Variants in PIK3C2G observed in about 807,000 individuals in gnomAD.
PIK3C2G encodes the protein phosphatidylinositol 3-kinase C2 domain-containing subunit gamma.
PIK3C2G carries 168 observed loss-of-function variants against 181.1 expected under a neutral mutation model. The observed-to-expected ratio is 0.93, with a 90% CI of 0.82 to 1.05. PIK3C2G has a LOEUF of 1.05. Among genes scored for constraint, PIK3C2G ranks in the 50% least tolerant of loss-of-function variants. The pLI is 0.00. For synonymous variants in PIK3C2G, 573 were observed against 592.2 expected (o/e 0.97, Z 0.47); for missense variants, 1,869 against 1,732.8 (o/e 1.08, Z -1.40).
At chr12:18,497,177 C>T (rs529005208) in intron 21 of PIK3C2G, among the ~76,000 whole-genome samples, 57 of 152,212 alleles carry the variant, frequency 3.7e-4, no homozygotes, top group Non-Finnish European at 6.9e-4. Flanking sequence ...TTTATACTCC[C>T]AGTCAAGAAG....
At chr12:18,429,635 GTC>G (rs1404222393) in intron 18 of PIK3C2G, among the ~76,000 whole-genome samples, 1 of 152,090 alleles carries the variant, frequency 6.6e-6, no homozygotes, top group African/African-American at 2.4e-5. Flanking sequence ...CAGCAATCAT[GTC>G]ACACTCTTCC....
chr12:18,516,095 CAT>C, intron 24 of PIK3C2G, among the ~76,000 whole-genome samples: 1 of 152,140 alleles, frequency 6.6e-6, no homozygotes, highest in East Asian at 1.9e-4. Context: ...TTTCTTATTA[CAT>C]GTTAGCATTC....
intron 1 of PIK3C2G, among the ~76,000 whole-genome samples, chr12:18,263,393 T>A (rs1012362032): frequency 6.6e-6 from 1 of 152,120 alleles, no homozygotes; most frequent in Non-Finnish European, 1.5e-5. Flanking sequence ...TATAAAGGTA[T>A]AAATTCCAAT....
At chr12:18,479,620 C>T (rs1013291260) in intron 18 of PIK3C2G, among the ~76,000 whole-genome samples, 2 of 152,080 alleles carry the variant, frequency 1.3e-5, no homozygotes, top group African/African-American at 2.4e-5. Context: ...TATAGAGCCC[C>T]GGAACTGGAA....
the PIK3C2G span, among the ~76,000 whole-genome samples, chr12:18,678,378 A>T: frequency 1.3e-5 from 2 of 152,066 alleles, no homozygotes; most frequent in Non-Finnish European, 2.9e-5. Context: ...AAGTTAATAA[A>T]GCTTCACGTT....
At chr12:18,481,286 C>T (rs1939536426) in intron 18 of PIK3C2G, among the ~76,000 whole-genome samples, 1 of 152,142 alleles carries the variant, frequency 6.6e-6, no homozygotes, top group Admixed American at 6.6e-5. Context: ...AATTTGGGGG[C>T]TCACCTATCC....
intron 32 of PIK3C2G, among the ~76,000 whole-genome samples, chr12:18,644,006 C>A (rs1949985214): frequency 6.6e-6 from 1 of 152,218 alleles, no homozygotes; most frequent in South Asian, 2.1e-4. Context: ...GAAAATAGTT[C>A]TTTTTATTTT....
intron 20 of PIK3C2G, among the ~76,000 whole-genome samples, chr12:18,492,869 C>T (rs539285130): frequency 1.3e-5 from 2 of 152,274 alleles, no homozygotes; most frequent in Non-Finnish European, 2.9e-5. Context: ...GACCACACTC[C>T]TTCCCTATAT....
intron 1 of PIK3C2G, 76 bp downstream of exon 1, chr12:18,261,653 G>A (rs1002090431): frequency 2.0e-5 from 3 of 151,988 alleles, no homozygotes; most frequent in Non-Finnish European, 2.9e-5. Flanking sequence ...TATTATTGAG[G>A]CAAAATAGCT....
chr12:18,445,788 T>C (rs1946989750), intron 18 of PIK3C2G, among the ~76,000 whole-genome samples: 1 of 152,204 alleles, frequency 6.6e-6, no homozygotes, highest in Non-Finnish European at 1.5e-5. Context: ...AGATGTATTA[T>C]TACATTTCAA....
At chr12:18,657,235 G>C in the PIK3C2G span, among the ~76,000 whole-genome samples, 1 of 152,236 alleles carries the variant, frequency 6.6e-6, no homozygotes, top group South Asian at 2.1e-4. Flanking sequence ...TTTACTAACT[G>C]AAAAACCTGG....
intron 20 of PIK3C2G, among the ~76,000 whole-genome samples, chr12:18,492,594 TC>T (rs1940663444): frequency 6.6e-6 from 1 of 152,210 alleles, no homozygotes; most frequent in Non-Finnish European, 1.5e-5. Context: ...AGTATTCTTG[TC>T]TAATGCTGCA....
chr12:18,458,542 C>G (rs1054773763), intron 18 of PIK3C2G, among the ~76,000 whole-genome samples: 1 of 152,010 alleles, frequency 6.6e-6, no homozygotes, highest in Admixed American at 6.6e-5. Flanking sequence ...GACTCTCCTC[C>G]TAGCCAGATC....
At chr12:18,581,619 G>T (rs183400321) in intron 29 of PIK3C2G, among the ~76,000 whole-genome samples, 1 of 152,334 alleles carries the variant, frequency 6.6e-6, no homozygotes, top group Admixed American at 6.5e-5. Context: ...CTTGGGAATG[G>T]AGAGTGGGGC....
chr12:18,619,987 G>A (rs528039825), intron 31 of PIK3C2G, among the ~76,000 whole-genome samples: 28 of 152,194 alleles, frequency 1.8e-4, no homozygotes, highest in African/African-American at 6.7e-4. Flanking sequence ...GCCTCCCAAA[G>A]TGCTGGGATT....
intron 16 of PIK3C2G, among the ~76,000 whole-genome samples, chr12:18,418,601 G>C (rs1167177330): frequency 1.3e-5 from 2 of 152,128 alleles, no homozygotes; most frequent in Non-Finnish European, 2.9e-5. Context: ...TTAGCATGAG[G>C]TAATTATGGC....
intron 20 of PIK3C2G, among the ~76,000 whole-genome samples, chr12:18,494,844 T>G (rs1400719596): frequency 1.3e-5 from 2 of 152,158 alleles, no homozygotes; most frequent in Non-Finnish European, 2.9e-5. Context: ...CTATTTTTGT[T>G]TCTAGATAAA....
chr12:18,406,380 A>T (rs1195105596), intron 16 of PIK3C2G, among the ~76,000 whole-genome samples: 2 of 152,104 alleles, frequency 1.3e-5, no homozygotes, highest in Non-Finnish European at 2.9e-5. Flanking sequence ...ATTTTAATTC[A>T]TTTGGATATA....
rs531729872 is a variant in PIK3C2G, at chr12:18,621,538, T to A, written c.4182+11909T>A. On this transcript the variant is annotated intron_variant, in intron 31 of 32. Transcript: ENST00000538779. ...AAAGATTAAATATGTATAACATGTT[T>A]TATATATATATGTTATTAACATACA... 1.1e-3 allele frequency among the ~76,000 whole-genome samples: 165 copies of A among 149,602 alleles called. 1 individual carries two copies. The highest frequency in any genetic ancestry group is 3.5e-3 in the African/African-American group (142 of 40,686).
Sources: gnomAD v4.1 joint callset for allele counts (sites outside exome capture counted in the v4.1 genomes callset) on GRCh38, gnomAD v4.1.1 for gene constraint, MANE v1.5 for transcripts, NCBI Gene and HGNC (gene_info 2026-07-23, HGNC 2026-07-21) for gene names.